The following NAALADL2 variants were observed in gnomAD, a reference collection of about 807,000 sequenced individuals.
NAALADL2 encodes N-acetylated alpha-linked acidic dipeptidase like 2.
NAALADL2 carries 76 observed loss-of-function variants against 87.2 expected under a neutral mutation model. That is an observed-to-expected ratio of 0.87 (90% CI 0.72 to 1.05). The LOEUF (loss-of-function observed/expected upper bound fraction) is 1.05, where lower values mean the gene tolerates loss of function less well. Ranked by LOEUF, NAALADL2 falls within the 50% of genes least tolerant of loss-of-function variation. The pLI is 0.00. For synonymous variants in NAALADL2, 354 were observed against 331.0 expected (o/e 1.07, Z -0.75); for missense variants, 1,089 against 945.8 (o/e 1.15, Z -1.99).
chr3:175,266,733 T>C (rs1450057884), intron 4 of NAALADL2, among the ~76,000 whole-genome samples: 2 of 151,800 alleles, frequency 1.3e-5, no homozygotes, highest in African/African-American at 2.4e-5. Flanking sequence ...ATAACTCTTA[T>C]AGTTCCAACA....
At chr3:175,445,007 T>C (rs878948003) in intron 5 of NAALADL2, among the ~76,000 whole-genome samples, 2 of 152,200 alleles carry the variant, frequency 1.3e-5, no homozygotes, top group Non-Finnish European at 2.9e-5. Context: ...ACCAGTATCA[T>C]CAAGCTCTGC....
chr3:175,359,897 T>C (rs4894485), intron 5 of NAALADL2, among the ~76,000 whole-genome samples: 96,506 of 151,984 alleles, frequency 0.63, 30,812 homozygotes, highest in African/African-American at 0.68. Context: ...TGCCCCACCT[T>C]TTCTGAACTC....
intron 3 of NAALADL2, among the ~76,000 whole-genome samples, chr3:174,817,111 T>C (rs1005889485): frequency 3.9e-5 from 6 of 152,168 alleles, no homozygotes; most frequent in Non-Finnish European, 8.8e-5. Flanking sequence ...AGTGTTTGGA[T>C]AAGGCAAACA....
At chr3:174,766,829 C>T (rs1713860090) in intron 3 of NAALADL2, among the ~76,000 whole-genome samples, 1 of 152,200 alleles carries the variant, frequency 6.6e-6, no homozygotes, top group African/African-American at 2.4e-5. Context: ...TGAGAGCTTA[C>T]ATTCTAGTAG....
At chr3:175,381,431 A>G (rs1767768633) in intron 5 of NAALADL2, among the ~76,000 whole-genome samples, 1 of 151,842 alleles carries the variant, frequency 6.6e-6, no homozygotes, top group Non-Finnish European at 1.5e-5. Flanking sequence ...TTCCTGAAGT[A>G]TGTGTATTTT....
intron 5 of NAALADL2, among the ~76,000 whole-genome samples, chr3:175,413,602 A>AT (rs1358922436): frequency 6.6e-6 from 1 of 150,482 alleles, no homozygotes; most frequent in Non-Finnish European, 1.5e-5. Context: ...CATGTGCTAT[A>AT]TGGTAATGTT....
Position 175,576,076 on chromosome 3 carries a change from C to A in NAALADL2, c.1689C>A (p.Cys563Ter). The change falls in exon 10 of 14, where the codon TGC becomes TGA. Residue 563 changes from cysteine to a stop codon, truncating the protein, a stop_gained. Transcript: ENST00000454872. LOFTEE classifies it high-confidence loss of function. ...NNFNCTRRAQ[C>*]PETNISSIQI... ...TCAACTGTACCAGAAGAGCCCAGTG[C>A]CCAGAAACCAATATCAGTTCTATAC... The A allele has an allele frequency of 6.2e-7, 1 of 1,612,824 alleles. No homozygotes were observed. Among genetic ancestry groups the A allele is most frequent in the Non-Finnish European group, 8.5e-7 (1 of 1,179,254 alleles).
intron 5 of NAALADL2, among the ~76,000 whole-genome samples, chr3:175,367,164 A>G (rs1174232723): frequency 6.6e-6 from 1 of 151,396 alleles, no homozygotes; most frequent in Non-Finnish European, 1.5e-5. Flanking sequence ...AAGATCAGAT[A>G]GTTGTAGATA....
chr3:174,549,432 A>T (rs967360351), intron 1 of NAALADL2, among the ~76,000 whole-genome samples: 3 of 152,228 alleles, frequency 2.0e-5, no homozygotes, highest in Non-Finnish European at 2.9e-5. Context: ...GGAGTCTGGG[A>T]ACTGATAGCT....
At chr3:174,962,902 C>T (rs1325192923) in intron 1 of NAALADL2, among the ~76,000 whole-genome samples, 1 of 151,986 alleles carries the variant, frequency 6.6e-6, no homozygotes, top group Non-Finnish European at 1.5e-5. Flanking sequence ...ATTATATTTG[C>T]ATATAACCTA....
rs910919212 is a variant in NAALADL2 at position 175,690,501 on chromosome 3, T to C, written c.1897-46805T>C. Among the ~76,000 whole-genome samples the C allele has an allele frequency of 1.3e-5, 2 of 152,114 alleles. 1 individual carries two copies. The highest frequency in any genetic ancestry group is 2.9e-5 in the Non-Finnish European group (2 of 67,986). On this transcript the variant is annotated intron_variant, in intron 11 of 13. Transcript: ENST00000454872. ...GCTTTTGTGTTTTGTTTCATCTCAG[T>C]CATTCAGATTACTTTGTTTCCTGGA...
intron 11 of NAALADL2, among the ~76,000 whole-genome samples, chr3:175,639,315 A>ATTTTTTTTTT (rs1728965438): frequency 2.1e-5 from 2 of 96,206 alleles, no homozygotes; most frequent in African/African-American, 1.0e-4. Context: ...CAAAAGCGTT[A>ATTTTTTTTTT]TTCTTTTTTT....
At chr3:175,177,253 G>A (rs573861127) in intron 2 of NAALADL2, among the ~76,000 whole-genome samples, 5 of 152,016 alleles carry the variant, frequency 3.3e-5, no homozygotes, top group Admixed American at 1.3e-4. Context: ...CATACACTTC[G>A]TTTATCTGTG....
chr3:174,694,061 T>C (rs1045981953), intron 2 of NAALADL2, among the ~76,000 whole-genome samples: 2 of 152,134 alleles, frequency 1.3e-5, no homozygotes, highest in Admixed American at 6.5e-5. Flanking sequence ...CCTCTGCAAA[T>C]TGGTTATCTT....
intron 3 of NAALADL2, among the ~76,000 whole-genome samples, chr3:175,244,591 A>G (rs1313725508): frequency 6.6e-6 from 1 of 152,154 alleles, no homozygotes; most frequent in African/African-American, 2.4e-5. Flanking sequence ...TCCCATCGCT[A>G]TAAAAATGCA....
At chr3:175,383,016 T>A (rs978382062) in intron 5 of NAALADL2, among the ~76,000 whole-genome samples, 2 of 152,064 alleles carry the variant, frequency 1.3e-5, no homozygotes, top group Non-Finnish European at 2.9e-5. Flanking sequence ...ATTTCATACG[T>A]TTTGGATCAT....
At chr3:175,344,281 C>T (rs1457820279) in intron 5 of NAALADL2, among the ~76,000 whole-genome samples, 2 of 152,014 alleles carry the variant, frequency 1.3e-5, no homozygotes, top group Non-Finnish European at 2.9e-5. Context: ...TTACATCCAC[C>T]TTTTCAGCAC....
chr3:175,448,344 T>C (rs569257527), intron 6 of NAALADL2, among the ~76,000 whole-genome samples: 12 of 152,368 alleles, frequency 7.9e-5, no homozygotes, highest in African/African-American at 2.9e-4. Context: ...TTCTGCCATT[T>C]ATTCTGAGCC....
At chr3:175,137,766 G>GTTTTT (rs113841309) in intron 2 of NAALADL2, among the ~76,000 whole-genome samples, 1 of 151,034 alleles carries the variant, frequency 6.6e-6, no homozygotes, top group Non-Finnish European at 1.5e-5. Context: ...ACCCAGCTAA[G>GTTTTT]TTTGTTTTGT....
Sources: allele counts gnomAD v4.1 joint callset (sites outside exome capture counted in the v4.1 genomes callset), GRCh38; gene constraint gnomAD v4.1.1; transcripts MANE v1.5; gene names NCBI Gene and HGNC (gene_info 2026-07-23, HGNC 2026-07-21).